DLGAP1: variants seen among roughly 807,000 people sequenced by gnomAD.
DLGAP1 encodes the protein DLG associated protein 1, also known as disks large-associated protein 1.
Under a neutral mutation model 90.8 loss-of-function variants are expected in DLGAP1, and 11 were observed. The ratio of observed to expected loss-of-function variants is 0.12; its 90% CI spans 0.08 to 0.20. The LOEUF is 0.20. DLGAP1 is among the 10% of genes least tolerant of loss of function. DLGAP1 has a pLI of 1.00. For synonymous variants in DLGAP1, 558 were observed against 540.7 expected (o/e 1.03, Z -0.44); for missense variants, 1,050 against 1,333.8 (o/e 0.79, Z 3.31).
chr18:3,868,607 T>G (rs2070549021), intron 4 of DLGAP1, among the ~76,000 whole-genome samples: 2 of 152,204 alleles, frequency 1.3e-5, no homozygotes. Context: ...CAAGCCTATT[T>G]GGTCAAGTTT....
At chr18:3,601,015 T>TATAGAG (rs2056980062) in intron 7 of DLGAP1, among the ~76,000 whole-genome samples, 1 of 135,730 alleles carries the variant, frequency 7.4e-6, no homozygotes, top group African/African-American at 3.1e-5. Context: ...TATAGATAGA[T>TATAGAG]ATATAGATAT....
intron 1 of DLGAP1, among the ~76,000 whole-genome samples, chr18:4,375,333 G>C (rs895903919): frequency 6.6e-6 from 1 of 152,066 alleles, no homozygotes; most frequent in Admixed American, 6.6e-5. Flanking sequence ...AAAAATTTTG[G>C]TCCTGTTAAT....
chr18:4,397,325 G>A (rs575801571), intron 1 of DLGAP1, among the ~76,000 whole-genome samples: 1 of 152,268 alleles, frequency 6.6e-6, no homozygotes, highest in Non-Finnish European at 1.5e-5. Flanking sequence ...TTGGTTACTT[G>A]TAACTGATAT....
chr18:3,756,623 T>C (rs911002176), intron 5 of DLGAP1, among the ~76,000 whole-genome samples: 6 of 151,762 alleles, frequency 4.0e-5, no homozygotes, highest in Admixed American at 3.9e-4. Flanking sequence ...GCTATTATAG[T>C]GGAAATAAAT....
At chr18:4,319,625 G>T (rs897730171) in intron 1 of DLGAP1, among the ~76,000 whole-genome samples, 1 of 152,202 alleles carries the variant, frequency 6.6e-6, no homozygotes, top group African/African-American at 2.4e-5. Context: ...AACAGAGGCA[G>T]AGAAGTCGGT....
At chr18:3,580,846 C>A (rs1438599152) in intron 8 of DLGAP1, 8 of 1,355,936 alleles carry the variant, frequency 5.9e-6, no homozygotes, top group Non-Finnish European at 8.2e-6. Context: ...AAAGGCTCTG[C>A]CCCCGGGGTG....
chr18:3,922,319 G>C (rs1394244142), intron 3 of DLGAP1, among the ~76,000 whole-genome samples: 3 of 152,174 alleles, frequency 2.0e-5, no homozygotes, highest in Non-Finnish European at 1.5e-5. Context: ...GAATGAAAAG[G>C]AGAGGTGCCC....
chr18:3,529,570 TC>T (rs2051859678), intron 10 of DLGAP1, among the ~76,000 whole-genome samples: 1 of 152,196 alleles, frequency 6.6e-6, no homozygotes, highest in African/African-American at 2.4e-5. Context: ...TATTTACTGA[TC>T]CCCTGTTATG....
rs1272555313 is a variant in DLGAP1 at position 4,342,470 on chromosome 18, C to T, written c.-267+112536G>A. 6.6e-6 allele frequency among the ~76,000 whole-genome samples: 1 copy of T among 152,068 alleles called. No individual in the cohort carries two copies. The highest frequency in any genetic ancestry group is 1.9e-4 in the East Asian group (1 of 5,194). On this transcript the variant is annotated intron_variant, in intron 1 of 12. Transcript: ENST00000315677. This position sits in a 1 kb window ranked among gnomAD's most constrained non-coding sequence, Gnocchi z 5.8. ...AACTCTGCTTTCTTTTAAATAAGAG[C>T]CATTTCTAACTTTGATCAAATGGCC...
At chr18:4,321,751 G>A (rs900257333) in intron 1 of DLGAP1, among the ~76,000 whole-genome samples, 1 of 152,172 alleles carries the variant, frequency 6.6e-6, no homozygotes, top group Admixed American at 6.5e-5. Flanking sequence ...GACATTTCTT[G>A]TTTCTAGGTA....
intron 4 of DLGAP1, among the ~76,000 whole-genome samples, chr18:3,837,937 T>C (rs759835035): frequency 3.4e-5 from 5 of 146,968 alleles, no homozygotes; most frequent in Non-Finnish European, 7.4e-5. Context: ...GATTTTATGA[T>C]AGTTTGGAAA....
chr18:4,062,499 T>C (rs2075313381), intron 2 of DLGAP1, among the ~76,000 whole-genome samples: 1 of 152,172 alleles, frequency 6.6e-6, no homozygotes, highest in Non-Finnish European at 1.5e-5. Flanking sequence ...ACCCAACTCA[T>C]ACATGTATTT....
intron 1 of DLGAP1, among the ~76,000 whole-genome samples, chr18:4,365,704 T>C (rs1249970860): frequency 6.6e-6 from 1 of 152,170 alleles, no homozygotes; most frequent in Non-Finnish European, 1.5e-5. Context: ...GGCATGAATT[T>C]GAAAACGAGA....
intron 2 of DLGAP1, among the ~76,000 whole-genome samples, chr18:4,138,308 TTTC>T: frequency 6.7e-6 from 1 of 149,678 alleles, no homozygotes; most frequent in African/African-American, 2.4e-5. Context: ...TTTGAAGGTT[TTTC>T]TTTTTTAATC....
At chr18:4,078,191 T>C (rs1339730440) in intron 2 of DLGAP1, among the ~76,000 whole-genome samples, 1 of 152,134 alleles carries the variant, frequency 6.6e-6, no homozygotes. Context: ...TTCATACATA[T>C]CCTTCTAGAA....
intron 1 of DLGAP1, among the ~76,000 whole-genome samples, chr18:4,262,893 G>GT (rs2079030642): frequency 6.6e-6 from 1 of 152,068 alleles, no homozygotes; most frequent in African/African-American, 2.4e-5. Context: ...GTGTAACATG[G>GT]TAAGTATTCA....
chr18:3,501,149 C>T (rs966242908), intron 12 of DLGAP1, among the ~76,000 whole-genome samples: 2 of 151,282 alleles, frequency 1.3e-5, no homozygotes, highest in African/African-American at 4.9e-5. Context: ...AACTCCTGGA[C>T]TCAAGTGATC....
intron 1 of DLGAP1, among the ~76,000 whole-genome samples, chr18:4,329,893 C>T (rs610721): frequency 0.86 from 130,211 of 151,922 alleles, 55,903 homozygotes; most frequent in Non-Finnish European, 0.89. Flanking sequence ...CCCCATAAAA[C>T]GAGGTTTGGA....
intron 5 of DLGAP1, among the ~76,000 whole-genome samples, chr18:3,743,505 C>T (rs2063143524): frequency 1.3e-5 from 2 of 151,866 alleles, no homozygotes; most frequent in African/African-American, 4.8e-5. Flanking sequence ...CAGGCACCTG[C>T]CACCACGCCT....
Sources: gnomAD v4.1 joint callset for allele counts (sites outside exome capture counted in the v4.1 genomes callset) on GRCh38, gnomAD v4.1.1 for gene constraint, Gnocchi (gnomAD v3.1) non-coding constraint, MANE v1.5 for transcripts, NCBI Gene and HGNC (gene_info 2026-07-23, HGNC 2026-07-21) for gene names.